The following ANO4 variants were observed in gnomAD, a reference collection of about 807,000 sequenced individuals.
ANO4 encodes anoctamin 4.
A neutral mutation model predicts 141.9 loss-of-function variants in ANO4; 69 were observed. The ratio of observed to expected loss-of-function variants is 0.49; its 90% CI spans 0.40 to 0.59. The LOEUF (loss-of-function observed/expected upper bound fraction) is 0.59, where lower values mean the gene tolerates loss of function less well. ANO4 is among the 20% of genes least tolerant of loss of function. The pLI, the probability that ANO4 is intolerant of heterozygous loss-of-function variation, is 0.00. For synonymous variants in ANO4, 350 were observed against 394.3 expected (o/e 0.89, Z 1.33); for missense variants, 894 against 1,162.2 (o/e 0.77, Z 3.36).
chr12:100,742,129 T>C (rs1223152449), intron 3 of ANO4, among the ~76,000 whole-genome samples: 2 of 152,164 alleles, frequency 1.3e-5, no homozygotes, highest in Non-Finnish European at 2.9e-5. Flanking sequence ...TTATTATTCT[T>C]ACTATTAGTA....
At chr12:100,931,088 A>G (rs2042073183) in intron 3 of ANO4, among the ~76,000 whole-genome samples, 1 of 152,132 alleles carries the variant, frequency 6.6e-6, no homozygotes, top group Non-Finnish European at 1.5e-5. Context: ...TCTTATTGGT[A>G]AACCAGGCAG....
intron 1 of ANO4, among the ~76,000 whole-genome samples, chr12:100,834,108 G>A (rs2036773607): frequency 6.6e-6 from 1 of 152,136 alleles, no homozygotes; most frequent in East Asian, 1.9e-4. Flanking sequence ...GAGGAATCTG[G>A]TGAACAGTCT....
intron 2 of ANO4, chr12:100,739,802 A>G (rs879586864): frequency 6.4e-5 from 44 of 685,588 alleles, no homozygotes; most frequent in Admixed American, 2.8e-4. Context: ...GAAAATAAGC[A>G]CACTATATGG....
intron 14 of ANO4, among the ~76,000 whole-genome samples, chr12:101,055,784 C>T (rs1255981016): frequency 6.6e-6 from 1 of 152,168 alleles, no homozygotes; most frequent in East Asian, 1.9e-4. Flanking sequence ...TTCTAAAAAG[C>T]TTATCGTTTT....
chr12:100,746,678 A>G (rs1395658721), intron 3 of ANO4, among the ~76,000 whole-genome samples: 2 of 152,140 alleles, frequency 1.3e-5, no homozygotes, highest in Non-Finnish European at 2.9e-5. Flanking sequence ...TAAACATCCT[A>G]CATGCACAAG....
chr12:101,000,339 T>G (rs78244424), intron 8 of ANO4, among the ~76,000 whole-genome samples: 183 of 152,344 alleles, frequency 1.2e-3, no homozygotes, highest in Non-Finnish European at 2.1e-3. Flanking sequence ...GTCAGTAACA[T>G]ATGACTACTT....
chr12:100,787,183 C>T (rs531904521), intron 3 of ANO4, among the ~76,000 whole-genome samples: 2 of 152,092 alleles, frequency 1.3e-5, no homozygotes, highest in Admixed American at 6.6e-5. Flanking sequence ...TGATCGGTGC[C>T]AAAACTTGGA....
chr12:100,767,198 TTAAAG>T (rs1360280665), intron 3 of ANO4, among the ~76,000 whole-genome samples: 1 of 152,230 alleles, frequency 6.6e-6, no homozygotes, highest in African/African-American at 2.4e-5. Context: ...CCATTTACAC[TTAAAG>T]TAATTATTGA....
intron 2 of ANO4, among the ~76,000 whole-genome samples, chr12:100,736,187 G>A (rs1055716559): frequency 3.3e-5 from 5 of 152,136 alleles, no homozygotes; most frequent in Non-Finnish European, 7.4e-5. Flanking sequence ...AGGGAGAGGA[G>A]GGCTGTGAGT....
intron 1 of ANO4, chr12:100,717,618 C>G (rs1449490707): frequency 5.0e-6 from 2 of 399,098 alleles, no homozygotes; most frequent in South Asian, 1.3e-4. Context: ...CGTCGAAACA[C>G]CCGGGGAAAC....
chr12:101,045,060 A>C (rs2047567473), intron 13 of ANO4, among the ~76,000 whole-genome samples: 1 of 152,108 alleles, frequency 6.6e-6, no homozygotes, highest in Non-Finnish European at 1.5e-5. Flanking sequence ...GATCCTTAAT[A>C]ATTCTTTTAA....
intron 1 of ANO4, among the ~76,000 whole-genome samples, chr12:100,866,143 G>C (rs1003058028): frequency 2.6e-5 from 4 of 152,146 alleles, no homozygotes; most frequent in African/African-American, 9.7e-5. Context: ...ATCCAGAAGA[G>C]TCCATCTCTT....
intron 3 of ANO4, among the ~76,000 whole-genome samples, chr12:100,787,523 A>C: frequency 6.6e-6 from 1 of 152,166 alleles, no homozygotes; most frequent in Non-Finnish European, 1.5e-5. Flanking sequence ...TTTCTGTTGG[A>C]GAAGGCACGA....
chr12:101,043,923 T>G (rs1038700765), intron 13 of ANO4, among the ~76,000 whole-genome samples: 1 of 152,222 alleles, frequency 6.6e-6, no homozygotes, highest in African/African-American at 2.4e-5. Context: ...CTCTGCTGTT[T>G]ACCATTTCTC....
At chr12:101,053,356 G>A (rs1407202175) in intron 14 of ANO4, among the ~76,000 whole-genome samples, 2 of 152,168 alleles carry the variant, frequency 1.3e-5, no homozygotes, top group Non-Finnish European at 2.9e-5. Flanking sequence ...GTGATAGGGA[G>A]GTTGAGTGTG....
chr12:100,844,372 G>A (rs1268558470), intron 1 of ANO4, among the ~76,000 whole-genome samples: 1 of 152,048 alleles, frequency 6.6e-6, no homozygotes, highest in Non-Finnish European at 1.5e-5. Flanking sequence ...AGAGTAACAT[G>A]TTCTGGATTT....
At chr12:100,932,361 G>GTTTTTT (rs200048343) in intron 3 of ANO4, among the ~76,000 whole-genome samples, 1 of 150,416 alleles carries the variant, frequency 6.6e-6, no homozygotes. Context: ...TACACTTGCT[G>GTTTTTT]GTTTTTTTTT....
At chr12:101,000,945 GTTCA>G (rs1306773566) in intron 8 of ANO4, among the ~76,000 whole-genome samples, 1 of 152,036 alleles carries the variant, frequency 6.6e-6, no homozygotes, top group Non-Finnish European at 1.5e-5. Flanking sequence ...CTGCTTATCA[GTTCA>G]TTCATTTAAC....
chr12:100,866,470 A>G (rs1047881423), intron 1 of ANO4, among the ~76,000 whole-genome samples: 5 of 151,798 alleles, frequency 3.3e-5, no homozygotes, highest in Admixed American at 2.0e-4. Flanking sequence ...CCCTGCCCCC[A>G]CCTTTTTGGA....
Sources: gnomAD v4.1 joint callset for allele counts (sites outside exome capture counted in the v4.1 genomes callset) on GRCh38, gnomAD v4.1.1 for gene constraint, MANE v1.5 for transcripts, NCBI Gene and HGNC (gene_info 2026-07-23, HGNC 2026-07-21) for gene names.